CFAP410: variants seen among roughly 807,000 people sequenced by gnomAD.
CFAP410 encodes the protein cilia and flagella associated protein 410.
CFAP410 carries 27 observed loss-of-function variants against 25.7 expected under a neutral mutation model. The ratio of observed to expected loss-of-function variants is 1.05; its 90% CI spans 0.77 to 1.45. The LOEUF (loss-of-function observed/expected upper bound fraction) is 1.45, where lower values mean the gene tolerates loss of function less well. Ranked by LOEUF, CFAP410 falls within the 40% of genes most tolerant of loss-of-function variation. The pLI is 0.00. For missense variants in CFAP410, 428 were observed against 354.1 expected (o/e 1.21, Z -1.67); for synonymous variants, 178 against 158.4 (o/e 1.12, Z -0.93).
At position 44,333,197 on chromosome 21, in the gene CFAP410, C is replaced by T. The variant is rs771024688; in HGVS notation, c.209G>A (p.Arg70Gln). The T allele has an allele frequency of 3.7e-5, 59 of 1,612,796 alleles. No individual in the cohort carries two copies. Among genetic ancestry groups the T allele is most frequent in the South Asian group, 1.2e-4 (11 of 91,064 alleles). ...RCQRLSELYLRRNRIPSLAEL... is the reference protein window; with the variant it reads ...RCQRLSELYLQRNRIPSLAEL... Reference sequence around the variant, plus strand: ...AGCCAGGCTGGGGATGCGGTTCCTCCGCAGGTACAGCTCACTCAGGCGCTG... The same window carrying T: ...AGCCAGGCTGGGGATGCGGTTCCTCTGCAGGTACAGCTCACTCAGGCGCTG... Residue 70 changes from arginine (R) to glutamine (Q), a missense_variant, in exon 4 of 7, where the codon CGG becomes CAG. By Grantham distance (43) the Arg-to-Gln change is conservative (BLOSUM62 1). Transcript: ENST00000339818.
chr21:44,337,277 C>T (rs943072309), intron 2 of CFAP410, among the ~76,000 whole-genome samples: 3 of 152,084 alleles, frequency 2.0e-5, no homozygotes, highest in Admixed American at 2.0e-4. Flanking sequence ...CTAGATGTGA[C>T]CAAGAAGAGG....
At chr21:44,336,707 C>T (rs1164245433) in intron 2 of CFAP410, 1 of 152,170 alleles carries the variant, frequency 6.6e-6, no homozygotes, top group African/African-American at 2.4e-5. Flanking sequence ...AAACAGATTA[C>T]ACCCAGATGC....
In CFAP410 at chr21:44,339,314, G is replaced by C. The variant is rs73374031; in HGVS notation, c.-120C>G. 0.23 allele frequency: 124,538 copies of C among 547,530 alleles called. 15,800 individuals are homozygous for C. Among genetic ancestry groups the C allele is most frequent in the African/African-American group, 0.41 (20,565 of 50,172 alleles). The allele number at this position is 547,530 out of a possible 1,614,324, so 33.9% of individuals were successfully genotyped here. ...CGTCGTCAGGGGCGGATCCTGAGCCGATTGGCGGCTCGGTGAGGAGAGCGG... is the reference window on the plus strand; with the variant it reads ...CGTCGTCAGGGGCGGATCCTGAGCCCATTGGCGGCTCGGTGAGGAGAGCGG... On this transcript the variant is annotated 5_prime_UTR_variant, in exon 1 of 7. It adds an upstream start codon to the 5' untranslated region. Coordinates refer to ENST00000339818, the MANE Select transcript of CFAP410 (RefSeq NM_004928.3).
intron 5 of CFAP410, chr21:44,331,616 T>C: frequency 1.8e-6 from 1 of 543,166 alleles, no homozygotes; most frequent in Non-Finnish European, 3.2e-6. Context: ...CCTCTCCTGC[T>C]CCCTGGCACA....
chr21:44,330,797 G>T (rs777749209), intron 6 of CFAP410, 26 bp downstream of exon 6: 2 of 1,566,988 alleles, frequency 1.3e-6, no homozygotes, highest in African/African-American at 1.4e-5. Flanking sequence ...AGAGGCAGCC[G>T]CGGCCCCTAG....
Position 44,331,952 on chromosome 21 carries a change from C to G in CFAP410, c.436G>C (p.Glu146Gln), listed in dbSNP as rs1017595293. Residue 146 changes from glutamate (E) to glutamine (Q), a missense_variant, in exon 5 of 7, where the codon GAG becomes CAG. Coordinates refer to ENST00000339818, the MANE Select transcript of CFAP410 (RefSeq NM_004928.3). ...CCGCCGTGGCCTGTGCCCTCTCTCT[C>G]TGGGGCCGCAGTGATCTCCTCTCCC... is the stretch of plus-strand genomic sequence containing the variant. ...SEGEEITAAP[E>Q]REGTGHGGPK... 5.6e-6 allele frequency: 9 copies of G among 1,613,504 alleles called. No individual in the cohort carries two copies. The African/African-American group carries it at 6.7e-5, about 12-fold the overall frequency.
At chr21:44,339,083 C>G (rs185961242) in intron 1 of CFAP410, 35 bp downstream of exon 1, 96 of 1,354,176 alleles carry the variant, frequency 7.1e-5, no homozygotes, top group African/African-American at 3.6e-4. Flanking sequence ...CTCCTCCCCC[C>G]ACCCCGGGGC....
At chr21:44,337,587 T>C (rs1432003129) in intron 2 of CFAP410, 62 bp downstream of exon 2, 1 of 1,464,362 alleles carries the variant, frequency 6.8e-7, no homozygotes, top group Non-Finnish European at 9.4e-7. Flanking sequence ...AGCTACAACA[T>C]TTGGGTTGAG....
Position 44,329,262 on chromosome 21 carries a change from C to T in CFAP410, c.*936G>A, listed in dbSNP as rs914767520. On this transcript the variant is annotated 3_prime_UTR_variant, in exon 7 of 7. Transcript: ENST00000339818. ...CACACGGTCACGCATCACCGCTCGGCGGAGGATGGGAATATCTCATGGAGA... is the reference window on the plus strand; with the variant it reads ...CACACGGTCACGCATCACCGCTCGGTGGAGGATGGGAATATCTCATGGAGA... 6 of 152,258 alleles carry T rather than the reference C, an allele frequency of 3.9e-5. No individual in the cohort carries two copies. The highest frequency in any genetic ancestry group is 6.5e-5 in the Admixed American group (1 of 15,284). The allele number at this position is 152,258 out of a possible 1,614,324, so 9.4% of individuals were successfully genotyped here. A position where few individuals can be genotyped will look rare whatever the true frequency, so the allele number is the denominator to read the frequency against.
chr21:44,339,204 C>G lies in CFAP410; in HGVS notation c.-10G>C. ...TCCGCGTCAGCTTCATGGCGGCCGC[C>G]CAGGCCCGACCGGCGGGCGCCCCCG... On this transcript the variant is annotated 5_prime_UTR_variant, in exon 1 of 7. Coordinates refer to ENST00000339818, the MANE Select transcript of CFAP410 (RefSeq NM_004928.3). The G allele has an allele frequency of 6.9e-7, 1 of 1,441,304 alleles. No individual in the cohort carries two copies. The highest frequency in any genetic ancestry group is 1.4e-5 in the South Asian group (1 of 71,464). The allele number at this position is 1,441,304 out of a possible 1,614,324, so 89.3% of individuals were successfully genotyped here. A position where few individuals can be genotyped will look rare whatever the true frequency, so the allele number is the denominator to read the frequency against.
intron 2 of CFAP410, among the ~76,000 whole-genome samples, chr21:44,337,191 A>G (rs2047772851): frequency 6.6e-6 from 1 of 152,156 alleles, no homozygotes; most frequent in Admixed American, 6.5e-5. Context: ...AATCTTTCAC[A>G]GACGCACACA....
In CFAP410 at chr21:44,329,376, A is replaced by T. The variant is rs1316103747; in HGVS notation, c.*822T>A. ...AAGGCTGACTCCCCATCTCACGTGA[A>T]TGCTTCCTTGGTTTTGGGGGGCACT... On this transcript the variant is annotated 3_prime_UTR_variant, in exon 7 of 7. Coordinates refer to ENST00000339818, the MANE Select transcript of CFAP410 (RefSeq NM_004928.3). 1.3e-5 allele frequency: 2 copies of T among 152,192 alleles called. No homozygotes were observed. The highest frequency in any genetic ancestry group is 4.8e-5 in the African/African-American group (2 of 41,416). 9.4% of individuals were successfully genotyped at this position (152,192 alleles called of 1,614,324 possible).
At chr21:44,330,978 T>G in intron 5 of CFAP410, 59 bp from the exon 6 acceptor site, 1 of 1,407,142 alleles carries the variant, frequency 7.1e-7, no homozygotes, top group Admixed American at 2.3e-5. Context: ...GGGGGGCCTC[T>G]GCAAACCCTG....
At chr21:44,331,053 A>G (rs2146058676) in intron 5 of CFAP410, 134 bp from the exon 6 acceptor site, 1 of 810,098 alleles carries the variant, frequency 1.2e-6, no homozygotes, top group Non-Finnish European at 1.9e-6. Context: ...CGGGGGCAAG[A>G]GAAGGGAGGC....
chr21:44,330,381 T>G, intron 6 of CFAP410, 55 bp from the exon 7 acceptor site: 1 of 1,582,624 alleles, frequency 6.3e-7, no homozygotes, highest in Non-Finnish European at 8.6e-7. Flanking sequence ...GCTGCTTCCC[T>G]CCACAAGGGC....
chr21:44,339,223 G>GC lies in CFAP410; in HGVS notation c.-30dup. 1.4e-6 allele frequency: 2 copies of GC among 1,388,250 alleles called. No individual in the cohort carries two copies. Among genetic ancestry groups the GC allele is most frequent in the Non-Finnish European group, 1.9e-6 (2 of 1,058,296 alleles). 86.0% of individuals were successfully genotyped at this position (1,388,250 alleles called of 1,614,324 possible). ...GGCCGCCCAGGCCCGACCGGCGGGC[G>GC]CCCCCGGCCTCCTGATCCCGGGCGG... On this transcript the variant is annotated 5_prime_UTR_variant, in exon 1 of 7. Transcript: ENST00000339818.
chr21:44,335,796 A>T lies in CFAP410; in HGVS notation c.105T>A (p.Ile35=). ...CCTCCAGGCTGGGCATCTCCTGGCA[A>T]ATGGAGATCTAGGAGGAAAAGAACA... ...CWGSRLTDIS[I]CQEMPSLEVI... The change falls in exon 3 of 7, where the codon ATT becomes ATA. Residue 35 remains isoleucine (I), a synonymous_variant. Coordinates refer to ENST00000339818, the MANE Select transcript of CFAP410 (RefSeq NM_004928.3). 1 of 1,590,516 alleles carries T rather than the reference A, an allele frequency of 6.3e-7. No homozygotes were observed.
intron 5 of CFAP410, 193 bp downstream of exon 5, chr21:44,331,650 C>G (rs2047649263): frequency 1.9e-5 from 11 of 583,516 alleles, no homozygotes; most frequent in Non-Finnish European, 3.2e-5. Context: ...AAAACATGGA[C>G]CTGCCACTGA....
chr21:44,330,708 C>A, intron 6 of CFAP410, 115 bp downstream of exon 6: 1 of 1,549,358 alleles, frequency 6.5e-7, no homozygotes, highest in Non-Finnish European at 8.7e-7. Context: ...CCCTGTGAGG[C>A]TCCATGCTCC....
Sources: gnomAD v4.1 joint callset for allele counts (sites outside exome capture counted in the v4.1 genomes callset) on GRCh38, gnomAD v4.1.1 for gene constraint, MANE v1.5 for transcripts, NCBI Gene and HGNC (gene_info 2026-07-23, HGNC 2026-07-21) for gene names.